BABAM2: variants seen among roughly 807,000 people sequenced by gnomAD.
BABAM2 encodes BRISC and BRCA1-A complex member 2.
BABAM2 carries 31 observed loss-of-function variants against 54.7 expected under a neutral mutation model. The ratio of observed to expected loss-of-function variants is 0.57; its 90% CI spans 0.43 to 0.77. BABAM2 has a LOEUF of 0.77. BABAM2 is among the 30% of genes least tolerant of loss of function. The probability of loss-of-function intolerance (pLI) is 0.00; values close to 1 mark genes in which losing one functional copy is unlikely to be tolerated. For synonymous variants in BABAM2, 167 were observed against 162.9 expected (o/e 1.03, Z -0.19); for missense variants, 364 against 455.8 (o/e 0.80, Z 1.83).
intron 2 of BABAM2, among the ~76,000 whole-genome samples, chr2:27,905,614 T>C (rs1406470866): frequency 2.0e-5 from 3 of 152,204 alleles, no homozygotes; most frequent in Non-Finnish European, 2.9e-5. Context: ...TATTTCACTG[T>C]GTTATTGTTG....
At chr2:28,250,021 G>T (rs925475073) in intron 10 of BABAM2, among the ~76,000 whole-genome samples, 1 of 152,192 alleles carries the variant, frequency 6.6e-6, no homozygotes, top group Non-Finnish European at 1.5e-5. Flanking sequence ...GTGACAAATA[G>T]CGTGATGGAA....
At chr2:28,153,119 T>C (rs1167337850) in intron 7 of BABAM2, among the ~76,000 whole-genome samples, 3 of 151,990 alleles carry the variant, frequency 2.0e-5, no homozygotes, top group African/African-American at 7.3e-5. Context: ...CTTGGAGTTG[T>C]TTTTTTTCTC....
intron 6 of BABAM2, among the ~76,000 whole-genome samples, chr2:28,102,618 A>G (rs1264105640): frequency 1.3e-5 from 2 of 152,216 alleles, no homozygotes; most frequent in South Asian, 2.1e-4. Flanking sequence ...TAAATTCTCA[A>G]TTCCAGTAAA....
At chr2:28,098,075 T>C (rs1263596587) in intron 6 of BABAM2, among the ~76,000 whole-genome samples, 1 of 152,228 alleles carries the variant, frequency 6.6e-6, no homozygotes, top group East Asian at 1.9e-4. Context: ...TTCCAACACA[T>C]GTTTTAGTAC....
At chr2:28,288,435 C>G (rs1395170282) in intron 10 of BABAM2, among the ~76,000 whole-genome samples, 2 of 151,278 alleles carry the variant, frequency 1.3e-5, no homozygotes, top group Admixed American at 6.6e-5. Context: ...AAGCAATTCT[C>G]GTGCCTCAGC....
intron 6 of BABAM2, among the ~76,000 whole-genome samples, chr2:28,092,473 A>G (rs2148693927): frequency 6.6e-6 from 1 of 152,218 alleles, no homozygotes; most frequent in East Asian, 1.9e-4. Flanking sequence ...TACCATTTAA[A>G]ATAGCATCAA....
At chr2:28,017,908 G>C (rs1274022209) in intron 4 of BABAM2, among the ~76,000 whole-genome samples, 1 of 152,176 alleles carries the variant, frequency 6.6e-6, no homozygotes, top group Non-Finnish European at 1.5e-5. Flanking sequence ...TTCATCATTG[G>C]TTGATGGACA....
At chr2:28,309,958 C>G in intron 11 of BABAM2, 1 of 1,083,546 alleles carries the variant, frequency 9.2e-7, no homozygotes, top group East Asian at 2.4e-5. Flanking sequence ...GGGCCTTTTC[C>G]TTATGGGGTT....
chr2:28,187,855 A>G (rs192130444), intron 7 of BABAM2, among the ~76,000 whole-genome samples: 1 of 151,856 alleles, frequency 6.6e-6, no homozygotes, highest in Non-Finnish European at 1.5e-5. Context: ...TTTAGTAGAG[A>G]CTGAGTTTCA....
chr2:27,918,746 T>G lies in BABAM2; in HGVS notation c.129-11086T>G, dbSNP rs141606312. Among the ~76,000 whole-genome samples, 34 of 152,084 alleles carry G rather than the reference T, an allele frequency of 2.2e-4. No homozygotes were observed. In the East Asian group the frequency reaches 6.6e-3, roughly 29 times the overall value. ...CTCCGTGGCTCAGGCTGGAGAGCAG[T>G]GATGTGATGATGGCTCACTGCAGTC... On this transcript the variant is annotated intron_variant, in intron 2 of 11. Coordinates refer to ENST00000379624, the MANE Select transcript of BABAM2 (RefSeq NM_199191.3).
At chr2:28,128,299 A>G (rs919222287) in intron 6 of BABAM2, among the ~76,000 whole-genome samples, 19 of 152,212 alleles carry the variant, frequency 1.2e-4, no homozygotes, top group Non-Finnish European at 2.6e-4. Context: ...TAAAATTTTT[A>G]TATTTGACTT....
intron 4 of BABAM2, among the ~76,000 whole-genome samples, chr2:28,022,589 G>A (rs973588267): frequency 6.6e-6 from 1 of 151,878 alleles, no homozygotes; most frequent in Non-Finnish European, 1.5e-5. Context: ...CTCATTTTTG[G>A]AATCCTTTTT....
intron 2 of BABAM2, among the ~76,000 whole-genome samples, chr2:27,914,680 C>T (rs1478964744): frequency 1.3e-5 from 2 of 152,048 alleles, no homozygotes; most frequent in Non-Finnish European, 2.9e-5. Context: ...TTTAGAGGGC[C>T]TTGATTTACA....
In BABAM2 at chr2:28,036,172, A is replaced by T. The variant is rs1573445756; in HGVS notation, c.496-9553A>T. The stretch of plus-strand genomic sequence containing the variant: ...TTGCACAGTGTTATCGCCATGAAGG[A>T]AATGGACAAGTGTTGTCCAAGGACC... On this transcript the variant is annotated intron_variant, in intron 5 of 11. Coordinates refer to ENST00000379624, the MANE Select transcript of BABAM2 (RefSeq NM_199191.3). 5.3e-5 allele frequency among the ~76,000 whole-genome samples: 8 copies of T among 152,288 alleles called. No individual in the cohort carries two copies. The South Asian group carries it at 1.7e-3, about 32-fold the overall frequency.
intron 11 of BABAM2, among the ~76,000 whole-genome samples, chr2:28,317,519 A>G (rs1689662394): frequency 6.6e-6 from 1 of 152,184 alleles, no homozygotes; most frequent in African/African-American, 2.4e-5. Flanking sequence ...GGCAAACCTG[A>G]CTGTGCAGGC....
chr2:28,059,913 T>C (rs1336331539), intron 6 of BABAM2, among the ~76,000 whole-genome samples: 1 of 152,220 alleles, frequency 6.6e-6, no homozygotes, highest in Non-Finnish European at 1.5e-5. Context: ...ACCTCCCTGG[T>C]AAATTCCACC....
intron 3 of BABAM2, among the ~76,000 whole-genome samples, chr2:27,972,152 G>A (rs970557346): frequency 6.6e-6 from 1 of 152,032 alleles, no homozygotes; most frequent in African/African-American, 2.4e-5. Flanking sequence ...TAAGAATCAC[G>A]TAGCTTAATT....
In BABAM2 at chr2:28,091,627, C is replaced by G. The variant is rs142834545; in HGVS notation, c.571-37644C>G. 1.1e-3 allele frequency among the ~76,000 whole-genome samples: 170 copies of G among 152,188 alleles called. 1 individual carries two copies. Among genetic ancestry groups the G allele is most frequent in the East Asian group, 7.9e-3 (41 of 5,184 alleles). ...TACTTGAACTGAAAATAATAATAAACTTGGAGAAGTTTTCTTTCTGAGTCT... is the reference window on the plus strand; with the variant it reads ...TACTTGAACTGAAAATAATAATAAAGTTGGAGAAGTTTTCTTTCTGAGTCT... On this transcript the variant is annotated intron_variant, in intron 6 of 11. Coordinates refer to ENST00000379624, the MANE Select transcript of BABAM2 (RefSeq NM_199191.3).
chr2:28,043,091 T>A (rs1450661336), intron 5 of BABAM2, among the ~76,000 whole-genome samples: 1 of 151,234 alleles, frequency 6.6e-6, no homozygotes, highest in Non-Finnish European at 1.5e-5. Context: ...AAAAATTAAT[T>A]ATATAGGAGA....
Sources: gnomAD v4.1 joint callset for allele counts (sites outside exome capture counted in the v4.1 genomes callset) on GRCh38, gnomAD v4.1.1 for gene constraint, MANE v1.5 for transcripts, NCBI Gene and HGNC (gene_info 2026-07-23, HGNC 2026-07-21) for gene names.